The following LIPA variants were observed in gnomAD, a reference collection of about 807,000 sequenced individuals.
The protein encoded by LIPA is lipase A, lysosomal acid type, also known as lysosomal acid lipase/cholesteryl ester hydrolase.
In LIPA, 26 loss-of-function variants were observed where a neutral mutation model predicts 40.6. The observed-to-expected ratio is 0.64, with a 90% CI of 0.47 to 0.89. The LOEUF (loss-of-function observed/expected upper bound fraction) is 0.89. Ranked by LOEUF, LIPA falls within the 40% of genes least tolerant of loss-of-function variation. LIPA has a pLI of 0.00. For missense variants in LIPA, 455 were observed against 479.6 expected (o/e 0.95, Z 0.48); for synonymous variants, 188 against 168.4 (o/e 1.12, Z -0.90).
In LIPA at chr10:89,362,778, G is replaced by C. The variant is rs1038745982; in HGVS notation, c.61+50013C>G. On this transcript the variant is annotated intron_variant, in intron 2 of 8. Transcript: ENST00000371837. ...GGCGAAGTGTGGAGGAAAGAATTATGAACAGGCCAAGGCCTGCTTTGAAAA... is the reference window on the plus strand; with the variant it reads ...GGCGAAGTGTGGAGGAAAGAATTATCAACAGGCCAAGGCCTGCTTTGAAAA... 3.0e-5 allele frequency: 20 copies of C among 668,340 alleles called. No homozygotes were observed. The East Asian group carries it at 5.7e-4, about 19-fold the overall frequency. 41.4% of individuals were successfully genotyped at this position (668,340 alleles called of 1,614,324 possible). A position where few individuals can be genotyped will look rare whatever the true frequency, so the allele number is the denominator to read the frequency against.
chr10:89,257,834 G>T (rs1843188490), intron 1 of LIPA, among the ~76,000 whole-genome samples: 1 of 152,242 alleles, frequency 6.6e-6, no homozygotes, highest in Non-Finnish European at 1.5e-5. Context: ...GAGAGAGGCT[G>T]TGGCGAGCTG....
chr10:89,334,556 C>A (rs1305705844), intron 1 of LIPA, among the ~76,000 whole-genome samples: 1 of 119,640 alleles, frequency 8.4e-6, no homozygotes, highest in Non-Finnish European at 1.6e-5. Context: ...AGTGTAGTGG[C>A]CCGATCTTGG....
chr10:89,384,419 T>C (rs368249860), intron 2 of LIPA: 1 of 1,614,040 alleles, frequency 6.2e-7, no homozygotes, highest in Non-Finnish European at 8.5e-7. Context: ...GGGTTACGCA[T>C]GAAGATCTTT....
intron 1 of LIPA, among the ~76,000 whole-genome samples, chr10:89,320,749 T>C (rs940506390): frequency 4.8e-4 from 73 of 152,220 alleles, no homozygotes; most frequent in African/African-American, 1.7e-3. Flanking sequence ...AAATAGAGCC[T>C]GCATTGCCAA....
chr10:89,340,122 G>T, intron 1 of LIPA: 1 of 1,587,310 alleles, frequency 6.3e-7, no homozygotes, highest in Non-Finnish European at 8.6e-7. Flanking sequence ...CAGAGCAACT[G>T]AACTGAGACA....
In LIPA at chr10:89,214,933, G is replaced by GAAC; in HGVS notation, c.1092_1094dup (p.Val364_Phe365insLeu). 1 of 1,614,034 alleles carries GAAC rather than the reference G, an allele frequency of 6.2e-7. No homozygotes were observed. The highest frequency in any genetic ancestry group is 8.5e-7 in the Non-Finnish European group (1 of 1,179,928). On this transcript the variant is annotated inframe_insertion, in exon 10 of 10. Coordinates refer to ENST00000336233, the MANE Select transcript of LIPA (RefSeq NM_000235.4). ...GCTCCCATTCCGGAATGCTCTCATGGAACACCAAGTTGGTGATCTGAGTCA... is the reference window on the plus strand; with the variant it reads ...GCTCCCATTCCGGAATGCTCTCATGGAACAACACCAAGTTGGTGATCTGAGTCA...
Position 89,383,688 on chromosome 10 carries a change from C to T in LIPA, c.61+29103G>A. On this transcript the variant is annotated intron_variant, in intron 2 of 8. Coordinates refer to the LIPA transcript ENST00000371837. The stretch of plus-strand genomic sequence containing the variant: ...ACCTGGACAAGGTGGAGAACACTTG[C>T]AAGAAGTTTGCAAATCCTTCCCGCT... The T allele has an allele frequency of 5.0e-6, 8 of 1,614,208 alleles. 1 individual carries two copies. Among genetic ancestry groups the T allele is most frequent in the South Asian group, 2.2e-5 (2 of 91,088 alleles).
intron 1 of LIPA, chr10:89,293,678 A>ACGAGAAAG (rs563646884): frequency 4.8e-5 from 6 of 126,268 alleles, no homozygotes; most frequent in Non-Finnish European, 9.6e-5. Context: ...TCTGTGTGAG[A>ACGAGAAAG]TGAGAGAGAG....
chr10:89,403,078 A>G, intron 2 of LIPA: 1 of 1,614,252 alleles, frequency 6.2e-7, no homozygotes, highest in Non-Finnish European at 8.5e-7. Context: ...GGCTCTGTGG[A>G]TAAAGCTCTT....
At chr10:89,324,293 A>T (rs953432309) in intron 1 of LIPA, among the ~76,000 whole-genome samples, 13 of 152,224 alleles carry the variant, frequency 8.5e-5, no homozygotes, top group Non-Finnish European at 1.0e-4. Flanking sequence ...TTCCCTGTTC[A>T]ATAAAGGGTG....
intron 2 of LIPA, among the ~76,000 whole-genome samples, chr10:89,397,481 A>G (rs538045713): frequency 1.3e-5 from 2 of 152,130 alleles, no homozygotes; most frequent in East Asian, 1.9e-4. Flanking sequence ...TCTGAGTGGA[A>G]TAAAGTTATA....
intron 7 of LIPA, among the ~76,000 whole-genome samples, chr10:89,223,061 G>A (rs1299064401): frequency 1.3e-5 from 2 of 151,954 alleles, no homozygotes. Flanking sequence ...AATAAAATGG[G>A]TTTACATTTT....
chr10:89,259,901 AG>A (rs1205356792), intron 1 of LIPA, among the ~76,000 whole-genome samples: 2 of 152,126 alleles, frequency 1.3e-5, no homozygotes, highest in African/African-American at 2.4e-5. Flanking sequence ...GGAGGAGAGG[AG>A]GCTGGATGAC....
chr10:89,263,198 G>T (rs1245756275), intron 1 of LIPA, among the ~76,000 whole-genome samples: 1 of 152,186 alleles, frequency 6.6e-6, no homozygotes, highest in Non-Finnish European at 1.5e-5. Flanking sequence ...TGAACTGCAA[G>T]CCTATTGGGC....
chr10:89,289,615 T>C (rs1429542449), intron 1 of LIPA, among the ~76,000 whole-genome samples: 1 of 152,148 alleles, frequency 6.6e-6, no homozygotes, highest in East Asian at 1.9e-4. Flanking sequence ...TCCACCTCTA[T>C]ACAGTCTAAT....
intron 1 of LIPA, among the ~76,000 whole-genome samples, chr10:89,261,681 C>G (rs1425323894): frequency 6.6e-6 from 1 of 152,180 alleles, no homozygotes; most frequent in Non-Finnish European, 1.5e-5. Flanking sequence ...GTCCAGCCCC[C>G]TCTCAGTGCA....
chr10:89,412,530 C>G (rs1051528662), intron 2 of LIPA: 1 of 177,712 alleles, frequency 5.6e-6, no homozygotes, highest in African/African-American at 2.4e-5. Flanking sequence ...GCAACCTGCT[C>G]GGGTCTGCTT....
chr10:89,257,003 T>C (rs1013974430), intron 1 of LIPA, among the ~76,000 whole-genome samples: 2 of 152,242 alleles, frequency 1.3e-5, no homozygotes, highest in Admixed American at 6.5e-5. Context: ...TATTATACTA[T>C]GTGCATATTT....
Position 89,228,411 on chromosome 10 carries a change from C to A in LIPA, c.230-13G>T. ...ACTGGTTTGGGACCTGAAAAACATT[C>A]ATTGTTTAGGAGGCAGTAGCACCAA... is the stretch of plus-strand genomic sequence containing the variant. On this transcript the variant is annotated splice_polypyrimidine_tract_variant and intron_variant, in intron 3 of 9. Coordinates refer to ENST00000336233, the MANE Select transcript of LIPA (RefSeq NM_000235.4). 2 of 1,612,732 alleles carry A rather than the reference C, an allele frequency of 1.2e-6. No homozygotes were observed. The highest frequency in any genetic ancestry group is 1.7e-6 in the Non-Finnish European group (2 of 1,178,726).
Sources: gnomAD v4.1 joint callset for allele counts (sites outside exome capture counted in the v4.1 genomes callset) on GRCh38, gnomAD v4.1.1 for gene constraint, MANE v1.5 for transcripts, NCBI Gene and HGNC (gene_info 2026-07-23, HGNC 2026-07-21) for gene names.